CRY1: variants seen among roughly 807,000 people sequenced by gnomAD.
CRY1 encodes the protein cryptochrome circadian regulator 1, also known as cryptochrome-1.
Under a neutral mutation model 76.0 loss-of-function variants are expected in CRY1, and 45 were observed. The ratio of observed to expected loss-of-function variants is 0.59; its 90% CI spans 0.47 to 0.76. The LOEUF (loss-of-function observed/expected upper bound fraction) is 0.76, where lower values mean the gene tolerates loss of function less well. Ranked by LOEUF, CRY1 falls within the 30% of genes least tolerant of loss-of-function variation. The probability of loss-of-function intolerance (pLI) is 0.00; values close to 1 mark genes in which losing one functional copy is unlikely to be tolerated. For synonymous variants in CRY1, 248 were observed against 244.0 expected (o/e 1.02, Z -0.15); for missense variants, 587 against 716.4 (o/e 0.82, Z 2.06).
At chr12:107,044,061 T>C (rs1952826117) in intron 1 of CRY1, among the ~76,000 whole-genome samples, 1 of 152,074 alleles carries the variant, frequency 6.6e-6, no homozygotes, top group African/African-American at 2.4e-5. Flanking sequence ...AGATTTTGGT[T>C]CTATGGACAA....
At chr12:107,004,982 T>G in intron 3 of CRY1, 124 bp downstream of exon 3, 2 of 783,332 alleles carry the variant, frequency 2.6e-6, no homozygotes, top group East Asian at 5.4e-5. Flanking sequence ...TTCTACTTTA[T>G]AAACCTCAGT....
intron 1 of CRY1, among the ~76,000 whole-genome samples, chr12:107,041,849 C>A (rs1214015890): frequency 6.6e-6 from 1 of 152,076 alleles, no homozygotes; most frequent in East Asian, 1.9e-4. Context: ...TTGAATACAG[C>A]ACCCAGATTT....
intron 1 of CRY1, among the ~76,000 whole-genome samples, chr12:107,050,945 C>T (rs894318096): frequency 6.6e-6 from 1 of 151,906 alleles, no homozygotes; most frequent in Non-Finnish European, 1.5e-5. Context: ...GATAAGGAGA[C>T]TTAACAGGAA....
chr12:107,063,994 C>G (rs2136886205), intron 1 of CRY1, among the ~76,000 whole-genome samples: 1 of 152,172 alleles, frequency 6.6e-6, no homozygotes, highest in Admixed American at 6.5e-5. Flanking sequence ...CTGGATATTA[C>G]TTCTTTGATA....
chr12:107,073,544 T>C (rs1035227359), intron 1 of CRY1, among the ~76,000 whole-genome samples: 4 of 152,012 alleles, frequency 2.6e-5, no homozygotes, highest in African/African-American at 9.7e-5. Flanking sequence ...CTGGCCAACA[T>C]GGTAAAATCC....
chr12:107,044,561 G>C (rs1228140141), intron 1 of CRY1, among the ~76,000 whole-genome samples: 1 of 152,172 alleles, frequency 6.6e-6, no homozygotes. Context: ...GTTTGGAAGA[G>C]ACAACTGTTC....
intron 1 of CRY1, among the ~76,000 whole-genome samples, chr12:107,028,591 C>T (rs929551240): frequency 1.3e-5 from 2 of 151,876 alleles, no homozygotes; most frequent in Non-Finnish European, 2.9e-5. Flanking sequence ...CTAATTGAAA[C>T]ATATAGGAGA....
rs190705009 is a variant in CRY1 at position 106,994,111 on chromosome 12, T to C, written c.1586-1075A>G. 5.8e-4 allele frequency among the ~76,000 whole-genome samples: 89 copies of C among 152,174 alleles called. No homozygotes were observed. In the East Asian group the frequency reaches 0.014, roughly 24 times the overall value. Reference sequence around the variant, plus strand: ...AGTAAAAGAATTTTGCCCTTTGACATGCCTTGTAAGGTACTATAAAAGCCT... The same window carrying C: ...AGTAAAAGAATTTTGCCCTTTGACACGCCTTGTAAGGTACTATAAAAGCCT... On this transcript the variant is annotated intron_variant, in intron 10 of 12. Coordinates refer to ENST00000008527, the MANE Select transcript of CRY1 (RefSeq NM_004075.5).
intron 5 of CRY1, among the ~76,000 whole-genome samples, chr12:107,000,652 T>C (rs1952297946): frequency 7.0e-6 from 1 of 143,554 alleles, no homozygotes; most frequent in Admixed American, 7.1e-5. Context: ...GCCTGGAAAA[T>C]TTATTTATTT....
chr12:106,993,896 TAC>T (rs1358006735), intron 10 of CRY1, among the ~76,000 whole-genome samples: 2 of 152,168 alleles, frequency 1.3e-5, no homozygotes, highest in East Asian at 1.9e-4. Flanking sequence ...GTAAACATAT[TAC>T]AGTCTGTTTT....
chr12:107,054,033 A>T (rs887861357), intron 1 of CRY1, among the ~76,000 whole-genome samples: 6 of 152,228 alleles, frequency 3.9e-5, no homozygotes, highest in Non-Finnish European at 8.8e-5. Context: ...TAAAAGATAC[A>T]TCTGAGATAA....
At chr12:107,081,496 C>T (rs1386082124) in intron 1 of CRY1, among the ~76,000 whole-genome samples, 1 of 151,952 alleles carries the variant, frequency 6.6e-6, no homozygotes, top group Non-Finnish European at 1.5e-5. Flanking sequence ...AATTTACCAC[C>T]ACCTGATACA....
At chr12:107,024,001 T>C (rs1593509334) in intron 1 of CRY1, among the ~76,000 whole-genome samples, 1 of 152,342 alleles carries the variant, frequency 6.6e-6, no homozygotes, top group East Asian at 1.9e-4. Context: ...CAAGAAGAGT[T>C]ACTAGACAGA....
Position 107,032,092 on chromosome 12 carries a change from G to A in CRY1, c.159-9900C>T, listed in dbSNP as rs1464963504. On this transcript the variant is annotated intron_variant, in intron 1 of 12. Transcript: ENST00000008527. ...TGGGACTACAGGCATGCGCCACCAC[G>A]CCCGGCTAATTTTGTATTTTTAGTA... Among the ~76,000 whole-genome samples the A allele has an allele frequency of 3.9e-5, 6 of 152,172 alleles. 1 individual carries two copies. The highest frequency in any genetic ancestry group is 3.3e-4 in the Admixed American group (5 of 15,288).
chr12:107,013,583 C>G (rs1191606188), intron 2 of CRY1, among the ~76,000 whole-genome samples: 1 of 152,054 alleles, frequency 6.6e-6, no homozygotes, highest in Non-Finnish European at 1.5e-5. Flanking sequence ...CCAGGTATGC[C>G]TGTATCAAAA....
At chr12:107,002,405 A>G (rs1000979007) in intron 3 of CRY1, among the ~76,000 whole-genome samples, 1 of 152,216 alleles carries the variant, frequency 6.6e-6, no homozygotes, top group Non-Finnish European at 1.5e-5. Context: ...TAGGAAAAAT[A>G]AATTTTATTG....
At chr12:106,994,502 G>A (rs1180211676) in intron 10 of CRY1, among the ~76,000 whole-genome samples, 2 of 152,082 alleles carry the variant, frequency 1.3e-5, no homozygotes, top group Non-Finnish European at 2.9e-5. Context: ...CATGTCTCAT[G>A]TCTTTTGAAA....
At chr12:107,054,513 A>G (rs564678472) in intron 1 of CRY1, among the ~76,000 whole-genome samples, 65 of 151,882 alleles carry the variant, frequency 4.3e-4, no homozygotes, top group Non-Finnish European at 8.5e-4. Context: ...ATGACAATAA[A>G]TCCAAATACT....
intron 1 of CRY1, among the ~76,000 whole-genome samples, chr12:107,047,310 A>G (rs974028897): frequency 6.6e-6 from 1 of 152,234 alleles, no homozygotes; most frequent in Non-Finnish European, 1.5e-5. Flanking sequence ...AGATTTAAAC[A>G]TTTAAATCAT....
Sources: gnomAD v4.1 joint callset for allele counts (sites outside exome capture counted in the v4.1 genomes callset) on GRCh38, gnomAD v4.1.1 for gene constraint, MANE v1.5 for transcripts, NCBI Gene and HGNC (gene_info 2026-07-23, HGNC 2026-07-21) for gene names.